Variants in ANK2 observed in about 807,000 individuals in gnomAD.
ANK2 encodes the protein ankyrin-2.
In ANK2, 83 loss-of-function variants were observed where a neutral mutation model predicts 360.5. The ratio of observed to expected loss-of-function variants is 0.23; its 90% CI spans 0.19 to 0.28. The LOEUF (loss-of-function observed/expected upper bound fraction) is 0.28, where lower values mean the gene tolerates loss of function less well. Among genes scored for constraint, ANK2 ranks in the 10% least tolerant of loss-of-function variants. ANK2 has a pLI of 1.00. For missense variants in ANK2, 4,201 were observed against 4,795.7 expected, an observed-to-expected ratio of 0.88 and a Z score of 3.66; for synonymous variants, 1,740 against 1,759.5, an observed-to-expected ratio of 0.99 and a Z score of 0.28.
chr4:113,121,310 G>A (rs970615843), intron 1 of ANK2, among the ~76,000 whole-genome samples: 1 of 152,016 alleles, frequency 6.6e-6, no homozygotes. Flanking sequence ...AAAGTTCATT[G>A]GAGAAAAAAA....
chr4:113,104,171 CA>C (rs1278598644), intron 1 of ANK2, among the ~76,000 whole-genome samples: 1 of 152,094 alleles, frequency 6.6e-6, no homozygotes, highest in Non-Finnish European at 1.5e-5. Flanking sequence ...GAAACACTAC[CA>C]CCTTTTGTTC....
rs2096342534 is a variant in ANK2 at position 113,363,352 on chromosome 4, C to G, written c.10771C>G (p.Leu3591Val). ...TTATCTTCTAGAATTAGCAAGAGAA[C>G]TGGATTTCACTGAGGAGCAAATTCA... ...GFSWTELARE[L>V]DFTEEQIHQI... Residue 3591 changes from leucine (L) to valine (V), a missense_variant, in exon 40 of 46, where the codon CTG becomes GTG. By Grantham distance (32) the Leu-to-Val change is conservative (BLOSUM62 1). Transcript: ENST00000357077. 6.2e-7 allele frequency: 1 copy of G among 1,613,184 alleles called. No homozygotes were observed. Among genetic ancestry groups the G allele is most frequent in the Non-Finnish European group, 8.5e-7 (1 of 1,179,512 alleles).
chr4:113,217,492 G>A (rs1343243929), intron 4 of ANK2, among the ~76,000 whole-genome samples: 1 of 152,144 alleles, frequency 6.6e-6, no homozygotes, highest in African/African-American at 2.4e-5. Flanking sequence ...CGGTTGCCAA[G>A]GACCGATTTT....
At chr4:113,037,588 G>GT (rs1225026334) in intron 2 of ANK2, among the ~76,000 whole-genome samples, 1 of 151,910 alleles carries the variant, frequency 6.6e-6, no homozygotes, top group Non-Finnish European at 1.5e-5. Flanking sequence ...TGGTTCCTAA[G>GT]TTTTTTTGTG....
rs752016285 is a variant in ANK2 at position 113,255,916 on chromosome 4, C to T, written c.1172C>T (p.Pro391Leu). Residue 391 changes from proline to leucine, a missense_variant, in exon 11 of 46, where the codon CCG (proline) becomes CTG (leucine). Physicochemically the swap from Pro to Leu is moderately conservative, Grantham distance 98. Around this residue, in one of 4 missense-constraint regions of ANK2, gnomAD observed 1,268 missense variants for 1,650.8 expected, o/e 0.77. Coordinates refer to ENST00000357077, the MANE Select transcript of ANK2 (RefSeq NM_001148.6). ...CTCCTTTTAGACAAGAGAGCCAATC[C>T]GAACGCCAGAGCCCTGGTAAACTTG... The part of the protein sequence containing the change: ...TKLLLDKRAN[P>L]NARALNGFTP... The T allele has an allele frequency of 1.2e-5, 19 of 1,613,996 alleles. No homozygotes were observed. The highest frequency in any genetic ancestry group is 2.2e-5 in the East Asian group (1 of 44,896).
intron 24 of ANK2, among the ~76,000 whole-genome samples, chr4:113,316,332 A>G (rs941524252): frequency 6.6e-6 from 1 of 152,200 alleles, no homozygotes; most frequent in Non-Finnish European, 1.5e-5. Flanking sequence ...CTTTTTTTGG[A>G]ATATACCTAC....
In ANK2 at chr4:113,374,824, G is replaced by C. The variant is rs1160072247; in HGVS notation, c.11859+1375G>C. The C allele has an allele frequency of 3.2e-6, 4 of 1,256,386 alleles. No individual in the cohort carries two copies. The African/African-American group carries it at 6.1e-5, about 19-fold the overall frequency. 77.8% of individuals were successfully genotyped at this position (1,256,386 alleles called of 1,614,324 possible). A position where few individuals can be genotyped will look rare whatever the true frequency, so the allele number is the denominator to read the frequency against. ...CTCACAATTTCAGGCTGAGCCAGTG[G>C]AAGGCCGTAGAGTCAGCAAAGTTGT... On this transcript the variant is annotated intron_variant, in intron 45 of 45. Transcript: ENST00000357077.
chr4:113,258,310 C>T lies in ANK2; in HGVS notation c.1288-3C>T, dbSNP rs1267817566. 2 of 1,613,866 alleles carry T rather than the reference C, an allele frequency of 1.2e-6. No homozygotes were observed. Among genetic ancestry groups the T allele is most frequent in the Non-Finnish European group, 1.7e-6 (2 of 1,179,940 alleles). On this transcript the variant is annotated splice_region_variant and splice_polypyrimidine_tract_variant and intron_variant, in intron 12 of 45. Coordinates refer to ENST00000357077, the MANE Select transcript of ANK2 (RefSeq NM_001148.6). ...GTAAAACTGCTGTTGCTTTGTTTCGCAGTCTGGCCTCACACCAATACATGT... is the reference window on the plus strand; with the variant it reads ...GTAAAACTGCTGTTGCTTTGTTTCGTAGTCTGGCCTCACACCAATACATGT...
the ANK2 span, among the ~76,000 whole-genome samples, chr4:112,770,488 C>G: frequency 2.0e-5 from 3 of 152,146 alleles, no homozygotes; most frequent in Non-Finnish European, 4.4e-5. Context: ...GGTGGATCAC[C>G]TGATGTCAGG....
At chr4:113,222,136 A>G (rs1316407716) in intron 4 of ANK2, among the ~76,000 whole-genome samples, 1 of 152,238 alleles carries the variant, frequency 6.6e-6, no homozygotes, top group African/African-American at 2.4e-5. Flanking sequence ...CTGGCATTAA[A>G]TAACGAATGT....
chr4:113,077,168 G>GA (rs1311859147), intron 1 of ANK2, among the ~76,000 whole-genome samples: 1 of 150,828 alleles, frequency 6.6e-6, no homozygotes, highest in Non-Finnish European at 1.5e-5. Context: ...CCATAGGAGA[G>GA]AAAAATGCAG....
chr4:113,282,769 C>A lies in ANK2; in HGVS notation c.1976C>A (p.Thr659Lys), dbSNP rs1333180918. The A allele has an allele frequency of 6.2e-7, 1 of 1,613,940 alleles. No individual in the cohort carries two copies. The highest frequency in any genetic ancestry group is 1.7e-5 in the Admixed American group (1 of 59,974). The change falls in exon 18 of 46, where the codon ACA (threonine) becomes AAA (lysine). Residue 659 changes from threonine (T) to lysine (K), a missense_variant. This residue lies in a region of ANK2 where 1,268 missense variants were observed against 1,650.8 expected (regional missense o/e 0.77). Transcript: ENST00000357077. ...LNYGAETNIV[T>K]KQGVTPLHLA... is the part of the protein sequence containing the mutation. ...TATGGAGCAGAGACAAACATTGTGA[C>A]AAAGCAAGGAGTAACTCCACTCCAT...
At chr4:112,929,659 C>G (rs914897986) in intron 2 of ANK2, among the ~76,000 whole-genome samples, 2 of 152,162 alleles carry the variant, frequency 1.3e-5, no homozygotes, top group African/African-American at 4.8e-5. Context: ...TGACTGGTCT[C>G]TAGGTGAATT....
intron 1 of ANK2, among the ~76,000 whole-genome samples, chr4:112,844,194 C>A (rs1196698792): frequency 6.6e-6 from 1 of 152,172 alleles, no homozygotes; most frequent in African/African-American, 2.4e-5. Context: ...TACTTAATAA[C>A]TTACATGATT....
At chr4:112,829,871 A>G (rs1262870027) in intron 1 of ANK2, among the ~76,000 whole-genome samples, 5 of 152,132 alleles carry the variant, frequency 3.3e-5, no homozygotes, top group African/African-American at 1.2e-4. Context: ...AGGCGGGAGA[A>G]TGGCGTGAAC....
intron 2 of ANK2, among the ~76,000 whole-genome samples, chr4:113,001,411 T>A (rs1392058577): frequency 6.6e-6 from 1 of 150,810 alleles, no homozygotes; most frequent in Non-Finnish European, 1.5e-5. Context: ...AGTAAATAAC[T>A]AAGCAAAACC....
At chr4:112,930,264 G>A (rs757624825) in intron 2 of ANK2, among the ~76,000 whole-genome samples, 1 of 151,936 alleles carries the variant, frequency 6.6e-6, no homozygotes, top group Non-Finnish European at 1.5e-5. Flanking sequence ...GGGCAACATG[G>A]TGAGACCCAG....
At chr4:112,721,987 C>T in the ANK2 span, among the ~76,000 whole-genome samples, 1 of 152,038 alleles carries the variant, frequency 6.6e-6, no homozygotes, top group Non-Finnish European at 1.5e-5. Context: ...ATTTGTTATC[C>T]TTCTAAAATT....
At chr4:112,789,303 G>C in the ANK2 span, among the ~76,000 whole-genome samples, 1 of 152,106 alleles carries the variant, frequency 6.6e-6, no homozygotes, top group Non-Finnish European at 1.5e-5. Context: ...TGGAAATAAA[G>C]GTAGCTGGGA....
Sources: allele counts gnomAD v4.1 joint callset (sites outside exome capture counted in the v4.1 genomes callset), GRCh38; gene constraint gnomAD v4.1.1; regional missense constraint gnomAD v4.1.1; transcripts MANE v1.5; gene names NCBI Gene and HGNC (gene_info 2026-07-23, HGNC 2026-07-21).